The following ORC1 variants were observed in gnomAD, a reference collection of about 807,000 sequenced individuals.
The protein encoded by ORC1 is origin recognition complex subunit 1.
Under a neutral mutation model 98.9 loss-of-function variants are expected in ORC1, and 61 were observed. The ratio of observed to expected loss-of-function variants is 0.62; its 90% CI spans 0.50 to 0.76. ORC1 has a LOEUF of 0.76. Ranked by LOEUF, ORC1 falls within the 30% of genes least tolerant of loss-of-function variation. ORC1 has a pLI of 0.00. For synonymous variants in ORC1, 385 were observed against 406.9 expected (o/e 0.95, Z 0.65); for missense variants, 979 against 1,072.2 (o/e 0.91, Z 1.21).
intron 9 of ORC1, 113 bp downstream of exon 9, chr1:52,385,739 C>T: frequency 1.3e-6 from 1 of 762,574 alleles, no homozygotes; most frequent in Admixed American, 2.0e-5. Context: ...AAAGTATAGA[C>T]ACACAGTGTA....
chr1:52,373,057 G>A lies in ORC1; in HGVS notation c.*124C>T, dbSNP rs1207269884. ...TGAGGTTGGGGGGTCACCTAAGCCT[G>A]AGAAGTCAAGGCTGCAGTGAGCCAT... is the stretch of plus-strand genomic sequence containing the variant. On this transcript the variant is annotated 3_prime_UTR_variant, in exon 17 of 17. Transcript: ENST00000371568. 8.7e-6 allele frequency: 9 copies of A among 1,029,684 alleles called. No individual in the cohort carries two copies. The highest frequency in any genetic ancestry group is 1.4e-5 in the Non-Finnish European group (9 of 654,176). The allele number at this position is 1,029,684 out of a possible 1,614,324, so 63.8% of individuals were successfully genotyped here. A position where few individuals can be genotyped will look rare whatever the true frequency, so the allele number is the denominator to read the frequency against.
intron 11 of ORC1, 111 bp from the exon 12 acceptor site, chr1:52,384,048 T>C: frequency 1.2e-6 from 1 of 823,574 alleles, no homozygotes; most frequent in Non-Finnish European, 2.1e-6. Flanking sequence ...TTCGGTATCC[T>C]ATATTCTGCC....
At chr1:52,386,777 C>G (rs1279593586) in intron 8 of ORC1, among the ~76,000 whole-genome samples, 1 of 152,026 alleles carries the variant, frequency 6.6e-6, no homozygotes, top group Non-Finnish European at 1.5e-5. Context: ...GCCTGGGCAA[C>G]ACAGAGGTGA....
At chr1:52,381,825 G>C in intron 13 of ORC1, 64 bp from the exon 14 acceptor site, 2 of 1,581,658 alleles carry the variant, frequency 1.3e-6, no homozygotes, top group Non-Finnish European at 1.7e-6. Flanking sequence ...CAGGTGGAAA[G>C]TCACCCTTGG....
At chr1:52,394,524 G>A (rs1406380662) in intron 5 of ORC1, among the ~76,000 whole-genome samples, 1 of 152,052 alleles carries the variant, frequency 6.6e-6, no homozygotes, top group Non-Finnish European at 1.5e-5. Flanking sequence ...AAGCACCTGA[G>A]TGCTCATAAA....
chr1:52,408,406 A>G, upstream of ORC1: 1 of 890,120 alleles, frequency 1.1e-6, no homozygotes, highest in Non-Finnish European at 1.8e-6. Flanking sequence ...AGGTCTCCAT[A>G]TTTTAGCTGT....
Position 52,383,871 on chromosome 1 carries a change from G to T in ORC1, c.1822C>A (p.Arg608=). The T allele has an allele frequency of 6.2e-7, 1 of 1,614,102 alleles. No homozygotes were observed. The highest frequency in any genetic ancestry group is 8.5e-7 in the Non-Finnish European group (1 of 1,180,026). The change falls in exon 12 of 17, where the codon CGA becomes AGA. Residue 608 remains arginine, a synonymous_variant. Coordinates refer to ENST00000371568, the MANE Select transcript of ORC1 (RefSeq NM_004153.4). Reference sequence around the variant, plus strand: ...ACGGTGGTTTCCTGAGGTGACCCTCGGGTGCAGAATTGCTTTGCCAGCAGT... The same window carrying T: ...ACGGTGGTTTCCTGAGGTGACCCTCTGGTGCAGAATTGCTTTGCCAGCAGT... ...AELLAKQFCT[R]GSPQETTVLL...
intron 14 of ORC1, among the ~76,000 whole-genome samples, chr1:52,379,230 T>G (rs921765358): frequency 6.7e-6 from 1 of 150,344 alleles, no homozygotes; most frequent in African/African-American, 2.4e-5. Flanking sequence ...GTTGTTTAGC[T>G]AAAGTAGGGT....
At chr1:52,373,896 G>A (rs1415339517) in intron 16 of ORC1, among the ~76,000 whole-genome samples, 1 of 152,196 alleles carries the variant, frequency 6.6e-6, no homozygotes, top group African/African-American at 2.4e-5. Flanking sequence ...GAAATAAAGG[G>A]AGGCAGGAGG....
At chr1:52,388,142 C>G (rs369357421) in intron 8 of ORC1, among the ~76,000 whole-genome samples, 12 of 152,234 alleles carry the variant, frequency 7.9e-5, no homozygotes, top group African/African-American at 2.9e-4. Flanking sequence ...GCCAGTGCTC[C>G]GTGGGAAATG....
rs552278270 is a variant in ORC1, at chr1:52,393,654, T to G, written c.871A>C (p.Lys291Gln). ...DKLQTLSPAL[K>Q]APEKTRETGL... is the part of the protein sequence containing the mutation. Reference sequence around the variant, plus strand: ...GTCTCTCTGGTTTTCTCTGGGGCTTTCAGAGCTGGAGACAAGGTTTGAAGT... The same window carrying G: ...GTCTCTCTGGTTTTCTCTGGGGCTTGCAGAGCTGGAGACAAGGTTTGAAGT... Residue 291 changes from lysine to glutamine, a missense_variant, in exon 6 of 17, where the codon AAA becomes CAA. Physicochemically the swap from Lys to Gln is moderately conservative, Grantham distance 53. Transcript: ENST00000371568. 3 of 1,614,192 alleles carry G rather than the reference T, an allele frequency of 1.9e-6. No individual in the cohort carries two copies. In the South Asian group the frequency reaches 3.3e-5, roughly 18 times the overall value.
chr1:52,397,994 G>A, intron 3 of ORC1, 131 bp from the exon 4 acceptor site: 1 of 853,324 alleles, frequency 1.2e-6, no homozygotes, highest in Non-Finnish European at 1.9e-6. Context: ...TTGAGACAGA[G>A]TCTCTGTCAC....
At chr1:52,392,967 G>T (rs184923343) in intron 6 of ORC1, among the ~76,000 whole-genome samples, 2 of 152,314 alleles carry the variant, frequency 1.3e-5, no homozygotes, top group African/African-American at 4.8e-5. Flanking sequence ...CACTGGTCAG[G>T]TGACAGGTGC....
chr1:52,393,343 A>G (rs1408151138), intron 6 of ORC1, 100 bp downstream of exon 6: 1 of 1,506,310 alleles, frequency 6.6e-7, no homozygotes, highest in Non-Finnish European at 9.2e-7. Context: ...TCTGTGACAT[A>G]GGTTTTTCAA....
intron 3 of ORC1, among the ~76,000 whole-genome samples, chr1:52,400,064 C>T (rs1168748139): frequency 2.0e-5 from 3 of 152,320 alleles, no homozygotes; most frequent in African/African-American, 7.2e-5. Context: ...AATCTATACA[C>T]CGAAGCCCAT....
upstream of ORC1, chr1:52,405,872 GT>G: frequency 6.3e-7 from 1 of 1,598,994 alleles, no homozygotes. Flanking sequence ...AATATAAGAG[GT>G]TTAATTTTGG....
intron 4 of ORC1, 40 bp downstream of exon 4, chr1:52,397,645 T>A (rs760082571): frequency 2.0e-5 from 32 of 1,598,940 alleles, no homozygotes; most frequent in Non-Finnish European, 2.7e-5. Context: ...CAGACAGAAA[T>A]AAGCTTCAAG....
At chr1:52,408,777 G>C (rs1254539487), upstream of ORC1, 2 of 1,444,826 alleles carry the variant, frequency 1.4e-6, no homozygotes, top group South Asian at 1.3e-5. Context: ...GTCATAGACA[G>C]TGTGAATGCT....
chr1:52,383,545 G>A lies in ORC1; in HGVS notation c.1888C>T (p.Gln630Ter), dbSNP rs1443344723. The change falls in exon 13 of 17, where the codon CAA becomes TAA. Residue 630 changes from glutamine (Q) to a stop codon, truncating the protein, a stop_gained. Transcript: ENST00000371568. LOFTEE classifies it high-confidence loss of function. ...TCAAAGAGATTGTACATTATGTCTT[G>A]TTTGTGAGTCCACAGAAGGTCGAGC... ...DELDLLWTHK[Q>*]DIMYNLFDWP... 6.2e-7 allele frequency: 1 copy of A among 1,614,072 alleles called. No homozygotes were observed. Among genetic ancestry groups the A allele is most frequent in the Admixed American group, 1.7e-5 (1 of 60,024 alleles).
Sources: allele counts gnomAD v4.1 joint callset (sites outside exome capture counted in the v4.1 genomes callset), GRCh38; gene constraint gnomAD v4.1.1; transcripts MANE v1.5; gene names NCBI Gene and HGNC (gene_info 2026-07-23, HGNC 2026-07-21).